Variants in PODN observed in about 807,000 individuals in gnomAD.
PODN encodes podocan proteoglycan.
A neutral mutation model predicts 52.7 loss-of-function variants in PODN; 40 were observed. The ratio of observed to expected loss-of-function variants is 0.76; its 90% CI spans 0.59 to 0.99. The LOEUF is 0.99. Among genes scored for constraint, PODN ranks in the 50% least tolerant of loss-of-function variants. PODN has a pLI of 0.00. For synonymous variants in PODN, 396 were observed against 377.9 expected (o/e 1.05, Z -0.56); for missense variants, 720 against 815.1 (o/e 0.88, Z 1.42).
chr1:53,066,828 G>C, intron 1 of PODN: 1 of 1,549,408 alleles, frequency 6.5e-7, no homozygotes, highest in Non-Finnish European at 8.7e-7. Context: ...GATTTTTACA[G>C]ATACCAAATG....
At position 53,062,290 on chromosome 1, in the gene PODN, C is replaced by T. The variant is rs761072151; in HGVS notation, c.-74C>T. 10 of 1,259,948 alleles carry T rather than the reference C, an allele frequency of 7.9e-6. No individual in the cohort carries two copies. The Admixed American group carries it at 3.7e-4, about 47-fold the overall frequency. The allele number at this position is 1,259,948 out of a possible 1,614,324, so 78.0% of individuals were successfully genotyped here. On this transcript the variant is annotated 5_prime_UTR_variant, in exon 1 of 11. Transcript: ENST00000312553. Reference sequence around the variant, plus strand: ...CGCGTTCGGCCTGTGGGGCGCCGCTCGGCGCCGGGGCGCAGCAGGTACAGG... The same window carrying T: ...CGCGTTCGGCCTGTGGGGCGCCGCTTGGCGCCGGGGCGCAGCAGGTACAGG...
intron 1 of PODN, chr1:53,066,676 G>A (rs1331809070): frequency 1.5e-6 from 1 of 687,884 alleles, no homozygotes. Flanking sequence ...TGGGCTGGGA[G>A]CTCAGCTTTG....
At chr1:53,066,770 G>C (rs1644038694) in intron 1 of PODN, 1 of 1,501,890 alleles carries the variant, frequency 6.7e-7, no homozygotes. Flanking sequence ...TTTCAGTACG[G>C]TGCAGAATGT....
At chr1:53,066,255 C>A (rs1291061613) in intron 1 of PODN, among the ~76,000 whole-genome samples, 1 of 152,074 alleles carries the variant, frequency 6.6e-6, no homozygotes, top group African/African-American at 2.4e-5. Context: ...TCTCAGCCTC[C>A]CACACTGGGA....
chr1:53,072,733 A>G (rs1391944183), intron 3 of PODN, among the ~76,000 whole-genome samples: 1 of 152,148 alleles, frequency 6.6e-6, no homozygotes, highest in Non-Finnish European at 1.5e-5. Flanking sequence ...GGACATTTCA[A>G]CACCATCAAG....
chr1:53,063,949 C>T (rs1006088516), intron 1 of PODN, among the ~76,000 whole-genome samples: 3 of 152,142 alleles, frequency 2.0e-5, no homozygotes, highest in Admixed American at 1.3e-4. Flanking sequence ...TCTCCTCTAG[C>T]CCCACCCCTA....
rs369317594 is a variant in PODN, at chr1:53,062,304, A to C, written c.-60A>C. On this transcript the variant is annotated 5_prime_UTR_variant, in exon 1 of 11. Transcript: ENST00000312553. The stretch of plus-strand genomic sequence containing the variant: ...GGGGCGCCGCTCGGCGCCGGGGCGC[A>C]GCAGGTACAGGGCGCTGGCAGCCGG... The C allele has an allele frequency of 1.2e-3, 1,525 of 1,253,748 alleles. 23 individuals carry two copies. The African/African-American group carries it at 0.022, about 18-fold the overall frequency. The allele number at this position is 1,253,748 out of a possible 1,614,324, so 77.7% of individuals were successfully genotyped here.
intron 2 of PODN, among the ~76,000 whole-genome samples, chr1:53,070,690 C>A (rs1367009968): frequency 6.6e-6 from 1 of 152,238 alleles, no homozygotes; most frequent in Non-Finnish European, 1.5e-5. Flanking sequence ...TTGTGCGGCC[C>A]AACAGCCCTA....
At chr1:53,068,090 G>A (rs1041481123) in intron 1 of PODN, among the ~76,000 whole-genome samples, 2 of 152,122 alleles carry the variant, frequency 1.3e-5, no homozygotes, top group Non-Finnish European at 2.9e-5. Context: ...CACTTACTAT[G>A]TGCAGTACAT....
At chr1:53,082,797 CAG>C in intron 10 of PODN, among the ~76,000 whole-genome samples, 1 of 152,270 alleles carries the variant, frequency 6.6e-6, no homozygotes, top group Non-Finnish European at 1.5e-5. Flanking sequence ...CACATGCACA[CAG>C]ACACACATAC....
At chr1:53,065,946 G>A (rs939634341) in intron 1 of PODN, among the ~76,000 whole-genome samples, 3 of 147,958 alleles carry the variant, frequency 2.0e-5, no homozygotes, top group South Asian at 4.2e-4. Flanking sequence ...GAAATGTAAC[G>A]TGAGCCACAA....
Sources: allele counts gnomAD v4.1 joint callset (sites outside exome capture counted in the v4.1 genomes callset), GRCh38; gene constraint gnomAD v4.1.1; transcripts MANE v1.5; gene names NCBI Gene and HGNC (gene_info 2026-07-23, HGNC 2026-07-21).